LRIF1: variants seen among roughly 807,000 people sequenced by gnomAD.
LRIF1 encodes ligand dependent nuclear receptor interacting factor 1.
Under a neutral mutation model 52.7 loss-of-function variants are expected in LRIF1, and 32 were observed. That is an observed-to-expected ratio of 0.61 (90% CI 0.46 to 0.82). LRIF1 has a LOEUF of 0.82. Among genes scored for constraint, LRIF1 ranks in the 40% least tolerant of loss-of-function variants. The probability of loss-of-function intolerance (pLI) is 0.00; values close to 1 mark genes in which losing one functional copy is unlikely to be tolerated. For missense variants in LRIF1, 887 were observed against 892.0 expected (o/e 0.99, Z 0.07); for synonymous variants, 323 against 317.4 (o/e 1.02, Z -0.19).
chr1:110,899,111 A>C, the LRIF1 span: 1 of 1,611,000 alleles, frequency 6.2e-7, no homozygotes, highest in Non-Finnish European at 8.5e-7. Context: ...AATTTTCCCA[A>C]CTCTTTTCAC....
At chr1:110,939,925 G>A in the LRIF1 span, 1 of 152,136 alleles carries the variant, frequency 6.6e-6, no homozygotes, top group Non-Finnish European at 1.5e-5. Context: ...ATTTGTCTGA[G>A]CAAAAATTTC....
In LRIF1 at chr1:110,947,903, A is replaced by G; in HGVS notation, c.*56T>C. 1 of 1,519,912 alleles carries G rather than the reference A, an allele frequency of 6.6e-7. No individual in the cohort carries two copies. The highest frequency in any genetic ancestry group is 2.3e-5 in the East Asian group (1 of 44,120). The allele number at this position is 1,519,912 out of a possible 1,614,324, so 94.2% of individuals were successfully genotyped here. On this transcript the variant is annotated 3_prime_UTR_variant, in exon 4 of 4. Coordinates refer to ENST00000369763, the MANE Select transcript of LRIF1 (RefSeq NM_018372.4). ...AGAACACACCTACAATTAACTTATT[A>G]ATGCTGAAGTATATTTTAAAAAACA... is the stretch of plus-strand genomic sequence containing the variant.
At chr1:110,910,008 T>C in the LRIF1 span, among the ~76,000 whole-genome samples, 82,093 of 151,912 alleles carry the variant, frequency 0.54, 22,488 homozygotes, top group Middle Eastern at 0.65. Flanking sequence ...ATGCACCCAA[T>C]ATTGGAGCAT....
the LRIF1 span, among the ~76,000 whole-genome samples, chr1:110,886,586 C>T: frequency 2.6e-5 from 4 of 152,028 alleles, no homozygotes; most frequent in Non-Finnish European, 5.9e-5. Flanking sequence ...TGGTGGCTCA[C>T]ACCTGTAATC....
chr1:110,924,783 T>A, the LRIF1 span, among the ~76,000 whole-genome samples: 1 of 152,168 alleles, frequency 6.6e-6, no homozygotes, highest in Admixed American at 6.5e-5. Flanking sequence ...CCATTCTCAC[T>A]CATGAACATA....
chr1:110,951,424 T>A lies in LRIF1; in HGVS notation c.1460A>T (p.Asn487Ile). ...GACGGCTGTTACTTTTCTGGGGGCA[T>A]TGTGTCCTGTACTAAATCCAACTGG... is the stretch of plus-strand genomic sequence containing the variant. ...IFPVGFSTGHNAPRKVTAVIY... is the reference protein window; with the variant it reads ...IFPVGFSTGHIAPRKVTAVIY... Residue 487 changes from asparagine to isoleucine, a missense_variant, in exon 2 of 4, where the codon AAT becomes ATT. Physicochemically the swap from Asn to Ile is moderately radical, Grantham distance 149 (BLOSUM62 -3). Coordinates refer to ENST00000369763, the MANE Select transcript of LRIF1 (RefSeq NM_018372.4). 1.9e-6 allele frequency: 3 copies of A among 1,614,130 alleles called. No homozygotes were observed. The highest frequency in any genetic ancestry group is 2.2e-5 in the South Asian group (2 of 91,076).
At chr1:110,891,413 G>A in the LRIF1 span, 1 of 1,612,862 alleles carries the variant, frequency 6.2e-7, no homozygotes, top group Non-Finnish European at 8.5e-7. Context: ...CACGGCATGG[G>A]CATGAGTAGC....
At chr1:110,925,693 C>T in the LRIF1 span, among the ~76,000 whole-genome samples, 4 of 152,006 alleles carry the variant, frequency 2.6e-5, no homozygotes, top group East Asian at 3.9e-4. Flanking sequence ...AACCATCATT[C>T]GTTACATATA....
chr1:110,934,263 AC>A, the LRIF1 span, among the ~76,000 whole-genome samples: 1 of 152,170 alleles, frequency 6.6e-6, no homozygotes, highest in Non-Finnish European at 1.5e-5. Flanking sequence ...TCAGCACATT[AC>A]CAGCTATGGT....
At chr1:110,914,595 A>G in the LRIF1 span, among the ~76,000 whole-genome samples, 9 of 152,080 alleles carry the variant, frequency 5.9e-5, no homozygotes, top group Non-Finnish European at 1.2e-4. Context: ...CTCTACAAAA[A>G]TCGTAAAATT....
chr1:110,923,851 A>C, the LRIF1 span, among the ~76,000 whole-genome samples: 4 of 152,164 alleles, frequency 2.6e-5, no homozygotes, highest in Admixed American at 2.6e-4. Flanking sequence ...TGGCAAAAAT[A>C]ATCTGTAAGA....
At chr1:110,892,564 A>G in the LRIF1 span, 3 of 1,561,536 alleles carry the variant, frequency 1.9e-6, no homozygotes, top group Non-Finnish European at 2.6e-6. Context: ...TGGTGCCCCA[A>G]GTCGGGGAGA....
intron 1 of LRIF1, among the ~76,000 whole-genome samples, chr1:110,954,673 C>T (rs990198068): frequency 6.6e-6 from 1 of 152,160 alleles, no homozygotes; most frequent in East Asian, 1.9e-4. Context: ...TAAGTCATTA[C>T]ACAAAAATTT....
chr1:110,959,415 T>C (rs546265072), intron 1 of LRIF1, among the ~76,000 whole-genome samples: 2 of 152,152 alleles, frequency 1.3e-5, no homozygotes, highest in South Asian at 2.1e-4. Flanking sequence ...AAATATGCAA[T>C]TGGTCTCTGA....
downstream of LRIF1, among the ~76,000 whole-genome samples, chr1:110,946,271 T>C (rs1658200962): frequency 6.6e-6 from 1 of 152,160 alleles, no homozygotes; most frequent in Non-Finnish European, 1.5e-5. Context: ...ATATATGAAA[T>C]GTTCACAACA....
the LRIF1 span, chr1:110,894,852 T>C: frequency 2.5e-6 from 2 of 798,152 alleles, no homozygotes; most frequent in Non-Finnish European, 2.2e-6. Context: ...GAGGAGACCA[T>C]TTGGAAGGGA....
At chr1:110,960,903 A>T (rs1301259676) in intron 1 of LRIF1, among the ~76,000 whole-genome samples, 1 of 152,192 alleles carries the variant, frequency 6.6e-6, no homozygotes, top group Non-Finnish European at 1.5e-5. Flanking sequence ...GTTATCTAAA[A>T]TGTACACCTG....
At chr1:110,885,325 C>T in the LRIF1 span, among the ~76,000 whole-genome samples, 14 of 152,086 alleles carry the variant, frequency 9.2e-5, no homozygotes, top group East Asian at 7.7e-4. Context: ...CCGAGGCGGG[C>T]GGATCACAAG....
downstream of LRIF1, among the ~76,000 whole-genome samples, chr1:110,942,779 G>C (rs1049490120): frequency 6.6e-6 from 1 of 151,974 alleles, no homozygotes; most frequent in Admixed American, 6.6e-5. Flanking sequence ...ATTTTGGGTG[G>C]GTAATAACCA....
Sources: gnomAD v4.1 joint callset for allele counts (sites outside exome capture counted in the v4.1 genomes callset) on GRCh38, gnomAD v4.1.1 for gene constraint, MANE v1.5 for transcripts, NCBI Gene and HGNC (gene_info 2026-07-23, HGNC 2026-07-21) for gene names.